The following DLG2 variants were observed in gnomAD, a reference collection of about 807,000 sequenced individuals.
The protein encoded by DLG2 is disks large homolog 2.
DLG2 carries 45 observed loss-of-function variants against 132.5 expected under a neutral mutation model. The ratio of observed to expected loss-of-function variants is 0.34; its 90% confidence interval spans 0.27 to 0.44. The LOEUF is 0.44. Among genes scored for constraint, DLG2 ranks in the 20% least tolerant of loss-of-function variants. The pLI is 1.00. For missense variants in DLG2, 1,045 were observed against 1,196.9 expected (o/e 0.87, Z 1.87); for synonymous variants, 424 against 419.6 (o/e 1.01, Z -0.13).
chr11:84,484,084 A>G (rs1346859091), intron 7 of DLG2, among the ~76,000 whole-genome samples: 3 of 152,182 alleles, frequency 2.0e-5, no homozygotes, highest in African/African-American at 4.8e-5. Flanking sequence ...GTCACCAGGT[A>G]TATTCACCAA....
At chr11:84,852,031 G>C (rs143629162) in intron 6 of DLG2, among the ~76,000 whole-genome samples, 81 of 152,078 alleles carry the variant, frequency 5.3e-4, no homozygotes, top group Admixed American at 2.2e-3. Flanking sequence ...GAACCGATTT[G>C]ACAGCTCAGC....
chr11:85,304,864 G>T (rs987021719), intron 3 of DLG2, among the ~76,000 whole-genome samples: 1 of 152,068 alleles, frequency 6.6e-6, no homozygotes, highest in Admixed American at 6.6e-5. Flanking sequence ...TTTCCCCATA[G>T]TATTTATTCA....
chr11:83,867,435 T>C lies in DLG2; in HGVS notation c.1565+6985A>G, dbSNP rs149462003. On this transcript the variant is annotated intron_variant, in intron 16 of 27. Transcript: ENST00000376104. ...TAGAAAAAATATTCTTTTTGAACTTTAGAGTCTGTGTGTTTTCAATACCTG... is the reference window on the plus strand; with the variant it reads ...TAGAAAAAATATTCTTTTTGAACTTCAGAGTCTGTGTGTTTTCAATACCTG... Among the ~76,000 whole-genome samples, 175 of 152,292 alleles carry C rather than the reference T, an allele frequency of 1.1e-3. 1 individual carries two copies. The East Asian group carries it at 0.032, about 28-fold the overall frequency.
At chr11:83,614,916 AGCTGATTTGC>A (rs2153419418) in intron 19 of DLG2, among the ~76,000 whole-genome samples, 1 of 152,370 alleles carries the variant, frequency 6.6e-6, no homozygotes, top group African/African-American at 2.4e-5. Flanking sequence ...GGCATAGCAC[AGCTGATTTGC>A]TTTGGGTGGC....
chr11:84,515,736 A>T (rs1398207269), intron 7 of DLG2, among the ~76,000 whole-genome samples: 1 of 151,892 alleles, frequency 6.6e-6, no homozygotes, highest in Non-Finnish European at 1.5e-5. Context: ...GATCAAATGG[A>T]CCTAAAAGAC....
chr11:83,466,595 A>T, intron 26 of DLG2, 113 bp downstream of exon 26: 1 of 586,970 alleles, frequency 1.7e-6, no homozygotes. Flanking sequence ...CTGAAAAATC[A>T]ACAATGGCAT....
intron 4 of DLG2, among the ~76,000 whole-genome samples, chr11:85,171,918 G>A (rs1000842528): frequency 2.0e-5 from 3 of 152,182 alleles, no homozygotes; most frequent in Non-Finnish European, 4.4e-5. Flanking sequence ...GGGAATTACA[G>A]CAACTTCAGC....
At chr11:83,941,759 C>G (rs977507120) in intron 14 of DLG2, among the ~76,000 whole-genome samples, 2 of 152,136 alleles carry the variant, frequency 1.3e-5, no homozygotes, top group Non-Finnish European at 2.9e-5. Context: ...TAAGATGTCT[C>G]TATTTATATC....
chr11:84,706,297 C>A (rs1163887314), intron 6 of DLG2, among the ~76,000 whole-genome samples: 1 of 151,752 alleles, frequency 6.6e-6, no homozygotes, highest in East Asian at 1.9e-4. Flanking sequence ...CAATTCAGAG[C>A]CAAAAGCAAC....
chr11:85,535,393 T>G (rs1421260604), intron 3 of DLG2, among the ~76,000 whole-genome samples: 2 of 152,010 alleles, frequency 1.3e-5, no homozygotes, highest in Non-Finnish European at 2.9e-5. Flanking sequence ...TAAATATATA[T>G]ATAAAAATAA....
At chr11:84,199,546 C>A (rs1280008267) in intron 8 of DLG2, among the ~76,000 whole-genome samples, 1 of 151,650 alleles carries the variant, frequency 6.6e-6, no homozygotes, top group Non-Finnish European at 1.5e-5. Context: ...TCAAAATTTA[C>A]ATAATAATAA....
chr11:84,471,476 G>T (rs1453933875), intron 7 of DLG2, among the ~76,000 whole-genome samples: 2 of 151,470 alleles, frequency 1.3e-5, no homozygotes, highest in African/African-American at 4.8e-5. Flanking sequence ...TTCTGTTCTG[G>T]TCTGGTCAGT....
chr11:84,055,196 C>A (rs2096476916), intron 11 of DLG2, among the ~76,000 whole-genome samples: 1 of 151,850 alleles, frequency 6.6e-6, no homozygotes, highest in Non-Finnish European at 1.5e-5. Flanking sequence ...CAAATGGCAC[C>A]CCAACTAAAA....
At chr11:83,626,568 A>C (rs2062566300) in intron 19 of DLG2, among the ~76,000 whole-genome samples, 1 of 152,208 alleles carries the variant, frequency 6.6e-6, no homozygotes, top group South Asian at 2.1e-4. Flanking sequence ...TTGAGGCAAA[A>C]ACTGTCTCAG....
intron 18 of DLG2, among the ~76,000 whole-genome samples, chr11:83,690,125 T>C (rs1178809086): frequency 6.7e-6 from 1 of 149,530 alleles, no homozygotes; most frequent in Non-Finnish European, 1.5e-5. Flanking sequence ...ATAAAACATA[T>C]AACAAAACAG....
intron 6 of DLG2, among the ~76,000 whole-genome samples, chr11:84,615,664 G>C (rs1230110592): frequency 6.6e-6 from 1 of 151,372 alleles, no homozygotes; most frequent in African/African-American, 2.4e-5. Context: ...GTTGCCCTCT[G>C]TTTCCATCTA....
At chr11:84,700,190 C>A (rs774677452) in intron 6 of DLG2, among the ~76,000 whole-genome samples, 1 of 151,430 alleles carries the variant, frequency 6.6e-6, no homozygotes, top group Non-Finnish European at 1.5e-5. Context: ...ATTATTTGTA[C>A]AGTATAAAAC....
intron 6 of DLG2, among the ~76,000 whole-genome samples, chr11:84,861,772 C>T (rs1160556106): frequency 1.3e-5 from 2 of 150,670 alleles, no homozygotes; most frequent in Admixed American, 6.6e-5. Context: ...AAAAAATAAA[C>T]AACTCCATCA....
chr11:83,888,765 T>G (rs1361544980), intron 15 of DLG2, among the ~76,000 whole-genome samples: 9 of 151,824 alleles, frequency 5.9e-5, no homozygotes, highest in Non-Finnish European at 8.8e-5. Context: ...GAGATATAGA[T>G]CAATGGAACA....
Sources: gnomAD v4.1 joint callset for allele counts (sites outside exome capture counted in the v4.1 genomes callset) on GRCh38, gnomAD v4.1.1 for gene constraint, MANE v1.5 for transcripts, NCBI Gene and HGNC (gene_info 2026-07-23, HGNC 2026-07-21) for gene names.